The following CLEC4A variants were observed in gnomAD, a reference collection of about 807,000 sequenced individuals.
CLEC4A encodes the protein C-type (calcium dependent, carbohydrate-recognition domain) lectin, superfamily member 6.
Under a neutral mutation model 32.7 loss-of-function variants are expected in CLEC4A, and 27 were observed. The observed-to-expected ratio is 0.83, with a 90% CI of 0.61 to 1.14. The LOEUF is 1.14. Ranked by LOEUF, CLEC4A falls within the 50% of genes most tolerant of loss-of-function variation. The pLI is 0.00. For missense variants in CLEC4A, 253 were observed against 274.6 expected, an observed-to-expected ratio of 0.92 and a Z score of 0.55; for synonymous variants, 89 against 93.7, an observed-to-expected ratio of 0.95 and a Z score of 0.29.
chr12:8,110,859 T>G, the CLEC4A span, among the ~76,000 whole-genome samples: 1 of 152,050 alleles, frequency 6.6e-6, no homozygotes, highest in East Asian at 1.9e-4. Context: ...AATAATTTTG[T>G]GTGCATCTTT....
At chr12:8,129,204 G>A (rs1168761880) in intron 2 of CLEC4A, 60 bp from the exon 3 acceptor site, 52 of 1,051,348 alleles carry the variant, frequency 4.9e-5, no homozygotes, top group East Asian at 1.7e-4. Flanking sequence ...AGAAAGTAAC[G>A]ATAAAGAGCA....
At chr12:8,115,894 T>C in the CLEC4A span, among the ~76,000 whole-genome samples, 1 of 152,010 alleles carries the variant, frequency 6.6e-6, no homozygotes, top group African/African-American at 2.4e-5. Context: ...GCTCAAGTGA[T>C]CCTCCCACCT....
chr12:8,109,264 C>G, the CLEC4A span, among the ~76,000 whole-genome samples: 2 of 152,032 alleles, frequency 1.3e-5, no homozygotes, highest in Non-Finnish European at 2.9e-5. Context: ...CAAATGATCC[C>G]TTCTTCATAC....
chr12:8,134,175 C>T (rs111592684), intron 3 of CLEC4A: 1 of 1,609,462 alleles, frequency 6.2e-7, no homozygotes, highest in Non-Finnish European at 8.5e-7. Flanking sequence ...CGGGCCTGCA[C>T]GAGGGTTTCT....
chr12:8,136,939 T>A, intron 5 of CLEC4A, 36 bp downstream of exon 5: 7 of 1,420,826 alleles, frequency 4.9e-6, no homozygotes, highest in Non-Finnish European at 6.9e-6. Flanking sequence ...TCTTGGGTCC[T>A]GGATCATGCA....
At chr12:8,110,237 C>T in the CLEC4A span, among the ~76,000 whole-genome samples, 4 of 152,088 alleles carry the variant, frequency 2.6e-5, no homozygotes, top group Admixed American at 2.0e-4. Context: ...TTAATTCTTA[C>T]CCTCTGGGGT....
At chr12:8,134,976 T>TTTTTTTTTGTTG (rs1452705134) in intron 3 of CLEC4A, 4 of 309,666 alleles carry the variant, frequency 1.3e-5, no homozygotes, top group African/African-American at 1.1e-4. Flanking sequence ...TTGAAGCGTT[T>TTTTTTTTTGTTG]TTGTTTTTTG....
intron 2 of CLEC4A, among the ~76,000 whole-genome samples, chr12:8,127,276 A>G (rs1384262881): frequency 1.3e-5 from 2 of 152,212 alleles, no homozygotes; most frequent in Admixed American, 6.5e-5. Flanking sequence ...TCACATGGCA[A>G]CTGGCAGGCT....
chr12:8,131,838 A>ATC lies in CLEC4A; in HGVS notation c.298+2480_298+2481dup, dbSNP rs1003576954. On this transcript the variant is annotated intron_variant, in intron 3 of 5. Transcript: ENST00000229332. ...GATATATATATCTATATATATATAT[A>ATC]TCTCTTCAACTTTTAAGTTCTGGGG... Among the ~76,000 whole-genome samples, 20 of 150,678 alleles carry ATC rather than the reference A, an allele frequency of 1.3e-4. No homozygotes were observed. The Middle Eastern group carries it at 0.01, about 78-fold the overall frequency.
the CLEC4A span, among the ~76,000 whole-genome samples, chr12:8,108,181 C>G: frequency 6.6e-6 from 1 of 152,136 alleles, no homozygotes; most frequent in East Asian, 1.9e-4. Context: ...AATTTCCATG[C>G]AATTGTATGG....
chr12:8,130,838 G>T (rs748423040), intron 3 of CLEC4A, among the ~76,000 whole-genome samples: 1 of 151,988 alleles, frequency 6.6e-6, no homozygotes, highest in Non-Finnish European at 1.5e-5. Context: ...ACTAATATTG[G>T]TATATTATTA....
At chr12:8,131,733 T>C (rs1947999047) in intron 3 of CLEC4A, among the ~76,000 whole-genome samples, 1 of 152,100 alleles carries the variant, frequency 6.6e-6, no homozygotes, top group Non-Finnish European at 1.5e-5. Context: ...ATTTGAAATT[T>C]TGTCCAGGTG....
the CLEC4A span, among the ~76,000 whole-genome samples, chr12:8,104,829 G>T: frequency 6.6e-6 from 1 of 152,106 alleles, no homozygotes; most frequent in Non-Finnish European, 1.5e-5. Flanking sequence ...TGTGGTATTT[G>T]GTTTCCTATT....
chr12:8,131,832 A>T (rs1488116207), intron 3 of CLEC4A, among the ~76,000 whole-genome samples: 1 of 150,542 alleles, frequency 6.6e-6, no homozygotes, highest in East Asian at 2.0e-4. Flanking sequence ...ATCTATATAT[A>T]TATATATCTC....
intron 3 of CLEC4A, chr12:8,133,846 C>A: frequency 6.3e-7 from 1 of 1,583,512 alleles, no homozygotes; most frequent in Non-Finnish European, 8.6e-7. Context: ...GGAAAGGGAC[C>A]GAGGAGTACA....
At chr12:8,113,415 TG>T in the CLEC4A span, among the ~76,000 whole-genome samples, 1 of 152,206 alleles carries the variant, frequency 6.6e-6, no homozygotes, top group Non-Finnish European at 1.5e-5. Flanking sequence ...TTGACAAATT[TG>T]GCTTTCTGCT....
At chr12:8,135,775 G>C (rs1202887202) in intron 4 of CLEC4A, 39 bp downstream of exon 4, 13 of 1,601,986 alleles carry the variant, frequency 8.1e-6, no homozygotes, top group Middle Eastern at 1.7e-4. Flanking sequence ...AGCCCTGCCT[G>C]ATCTTTGTAT....
rs9634083 is a variant in CLEC4A at position 8,133,206 on chromosome 12, C to T, written c.299-2379C>T. 4.2e-3 allele frequency among the ~76,000 whole-genome samples: 633 copies of T among 152,192 alleles called. 5 individuals carry two copies. Among genetic ancestry groups the T allele is most frequent in the East Asian group, 0.018 (91 of 5,178 alleles). ...CAGGGATTACAGGTGTGAGCCACCA[C>T]GCCCAGCCTTTTTTTGGTATTTTTA... is the stretch of plus-strand genomic sequence containing the variant. On this transcript the variant is annotated intron_variant, in intron 3 of 5. Transcript: ENST00000229332.
At chr12:8,110,998 C>A in the CLEC4A span, among the ~76,000 whole-genome samples, 1 of 151,868 alleles carries the variant, frequency 6.6e-6, no homozygotes, top group East Asian at 1.9e-4. Context: ...CTCAGCCTCC[C>A]GAGTAGCTGG....
Sources: allele counts gnomAD v4.1 joint callset (sites outside exome capture counted in the v4.1 genomes callset), GRCh38; gene constraint gnomAD v4.1.1; transcripts MANE v1.5; gene names NCBI Gene and HGNC (gene_info 2026-07-23, HGNC 2026-07-21).